NEDD4L: variants seen among roughly 807,000 people sequenced by gnomAD.
NEDD4L encodes E3 ubiquitin-protein ligase NEDD4-like.
Under a neutral mutation model 148.9 loss-of-function variants are expected in NEDD4L, and 54 were observed. The ratio of observed to expected loss-of-function variants is 0.36; its 90% CI spans 0.29 to 0.45. NEDD4L has a LOEUF of 0.45. NEDD4L is among the 20% of genes least tolerant of loss of function. The pLI is 1.00. For synonymous variants in NEDD4L, 433 were observed against 440.7 expected, an observed-to-expected ratio of 0.98 and a Z score of 0.22; for missense variants, 856 against 1,233.8, an observed-to-expected ratio of 0.69 and a Z score of 4.59.
chr18:58,181,445 A>G (rs1364459740), intron 2 of NEDD4L, among the ~76,000 whole-genome samples: 8 of 152,182 alleles, frequency 5.3e-5, no homozygotes, highest in African/African-American at 1.4e-4. Flanking sequence ...CTACGGATTA[A>G]TTAATTAGCA....
At chr18:58,072,685 C>T (rs1174989983) in intron 1 of NEDD4L, among the ~76,000 whole-genome samples, 1 of 152,104 alleles carries the variant, frequency 6.6e-6, no homozygotes, top group Non-Finnish European at 1.5e-5. Flanking sequence ...GATAGTCATT[C>T]TCACCACTTC....
chr18:58,216,142 A>C (rs1382540576), intron 2 of NEDD4L, among the ~76,000 whole-genome samples: 1 of 152,208 alleles, frequency 6.6e-6, no homozygotes, highest in African/African-American at 2.4e-5. Context: ...ACAAAGACTC[A>C]CTGTGCCATT....
At chr18:58,385,038 A>C (rs1179913469) in intron 25 of NEDD4L, among the ~76,000 whole-genome samples, 1 of 152,216 alleles carries the variant, frequency 6.6e-6, no homozygotes, top group Non-Finnish European at 1.5e-5. Flanking sequence ...GTTATTGTTG[A>C]ATATTAGCAC....
chr18:58,389,446 G>T (rs118144029), intron 28 of NEDD4L: 6 of 334,908 alleles, frequency 1.8e-5, no homozygotes, highest in Non-Finnish European at 2.7e-5. Context: ...TGACCACCTC[G>T]TGAAAGTGAC....
intron 5 of NEDD4L, among the ~76,000 whole-genome samples, chr18:58,269,454 T>C (rs149232697): frequency 6.6e-6 from 1 of 152,170 alleles, no homozygotes; most frequent in East Asian, 1.9e-4. Context: ...GTCAGCAGAT[T>C]TTTAACTTTA....
chr18:58,385,457 G>T (rs2146784974), intron 25 of NEDD4L, 69 bp from the exon 26 acceptor site: 2 of 1,260,408 alleles, frequency 1.6e-6, no homozygotes, highest in Middle Eastern at 1.9e-4. Context: ...AGCACTCCCT[G>T]TTGCGGAGAA....
rs1601943584 is a variant in NEDD4L, at chr18:58,383,308, G to A, written c.2415G>A (p.Arg805=). The A allele has an allele frequency of 6.6e-7, 1 of 1,524,606 alleles. No homozygotes were observed. The highest frequency in any genetic ancestry group is 8.9e-7 in the Non-Finnish European group (1 of 1,121,838). The allele number at this position is 1,524,606 out of a possible 1,614,324, so 94.4% of individuals were successfully genotyped here. Residue 805 remains arginine (R), a synonymous_variant, in exon 25 of 31, where the codon AGG becomes AGA. Transcript: ENST00000400345. The part of the protein sequence containing the change: ...SEIMVTNENK[R]EYIDLVIQWR... ...TAATGGTCACAAATGAAAACAAAAG[G>A]GAATATATCGAGTATGTATACACAT...
At chr18:58,198,446 G>A (rs933575365) in intron 2 of NEDD4L, among the ~76,000 whole-genome samples, 1 of 152,096 alleles carries the variant, frequency 6.6e-6, no homozygotes, top group Non-Finnish European at 1.5e-5. Context: ...TCCCTGGCCC[G>A]AATTTTGTTT....
At chr18:58,303,526 A>G (rs929760417) in intron 5 of NEDD4L, among the ~76,000 whole-genome samples, 2 of 152,204 alleles carry the variant, frequency 1.3e-5, no homozygotes, top group African/African-American at 4.8e-5. Flanking sequence ...CAGTCTTGCA[A>G]GGAGCTCCGC....
intron 2 of NEDD4L, among the ~76,000 whole-genome samples, chr18:58,218,187 C>A (rs1181780406): frequency 6.6e-6 from 1 of 152,126 alleles, no homozygotes; most frequent in Non-Finnish European, 1.5e-5. Context: ...TTATATACTT[C>A]CTTTGCTTTG....
At chr18:58,339,994 C>T (rs868678516) in intron 13 of NEDD4L, among the ~76,000 whole-genome samples, 6 of 152,198 alleles carry the variant, frequency 3.9e-5, no homozygotes, top group South Asian at 2.1e-4. Context: ...TGTAACCTCA[C>T]GTGAGAGGTT....
At chr18:58,149,635 C>T (rs2034467494) in intron 1 of NEDD4L, 1 of 907,342 alleles carries the variant, frequency 1.1e-6, no homozygotes, top group South Asian at 1.4e-5. Flanking sequence ...TCTCCACATC[C>T]ACCCATAGTC....
At chr18:58,103,815 G>A (rs979246049) in intron 1 of NEDD4L, among the ~76,000 whole-genome samples, 1 of 152,242 alleles carries the variant, frequency 6.6e-6, no homozygotes. Context: ...TGCGCAGCCC[G>A]AGGAGGAGAA....
At chr18:58,340,887 T>C in intron 13 of NEDD4L, 151 bp from the exon 14 acceptor site, 2 of 726,840 alleles carry the variant, frequency 2.8e-6, no homozygotes, top group Non-Finnish European at 2.2e-6. Context: ...AATCTATTGC[T>C]GTTTTCCAGA....
chr18:58,369,459 C>T (rs1160369303), intron 22 of NEDD4L, among the ~76,000 whole-genome samples: 1 of 46,298 alleles, frequency 2.2e-5, no homozygotes, highest in Non-Finnish European at 4.5e-5. Flanking sequence ...AGGGCTCATT[C>T]TGCACATCTG....
chr18:58,149,893 G>T (rs1033684599), intron 1 of NEDD4L, among the ~76,000 whole-genome samples: 1 of 152,102 alleles, frequency 6.6e-6, no homozygotes, highest in South Asian at 2.1e-4. Flanking sequence ...GGAAAAAATG[G>T]GTATCTGTGA....
intron 2 of NEDD4L, among the ~76,000 whole-genome samples, chr18:58,216,412 G>C (rs935135925): frequency 6.6e-6 from 1 of 152,118 alleles, no homozygotes; most frequent in East Asian, 1.9e-4. Context: ...GGAGTGGCTT[G>C]GTGTGATTTA....
intron 28 of NEDD4L, chr18:58,390,240 T>C (rs2049630421): frequency 6.4e-6 from 1 of 155,890 alleles, no homozygotes; most frequent in African/African-American, 2.4e-5. Flanking sequence ...TATAAAATGA[T>C]GTCTTCTAGG....
intron 23 of NEDD4L, chr18:58,372,122 TA>T (rs2046959104): frequency 6.6e-6 from 1 of 152,158 alleles, no homozygotes; most frequent in Admixed American, 6.5e-5. Flanking sequence ...TTTACTTATT[TA>T]TTTTTTTGGC....
Sources: allele counts gnomAD v4.1 joint callset (sites outside exome capture counted in the v4.1 genomes callset), GRCh38; gene constraint gnomAD v4.1.1; transcripts MANE v1.5; gene names NCBI Gene and HGNC (gene_info 2026-07-23, HGNC 2026-07-21).